The following OXR1 variants were observed in gnomAD, a reference collection of about 807,000 sequenced individuals.
OXR1 encodes the protein oxidation resistance 1.
A neutral mutation model predicts 104.6 loss-of-function variants in OXR1; 41 were observed. The ratio of observed to expected loss-of-function variants is 0.39; its 90% confidence interval spans 0.31 to 0.51. The LOEUF is 0.51. OXR1 is among the 20% of genes least tolerant of loss of function. The pLI, the probability that OXR1 is intolerant of heterozygous loss-of-function variation, is 0.77. For synonymous variants in OXR1, 348 were observed against 348.4 expected, an observed-to-expected ratio of 1.00 and a Z score of 0.01; for missense variants, 955 against 1,031.9, an observed-to-expected ratio of 0.93 and a Z score of 1.02.
chr8:106,326,222 A>G (rs1814462177), intron 1 of OXR1, among the ~76,000 whole-genome samples: 1 of 152,220 alleles, frequency 6.6e-6, no homozygotes, highest in South Asian at 2.1e-4. Context: ...AAGCATTCCC[A>G]AGGTAAAGCA....
intron 2 of OXR1, among the ~76,000 whole-genome samples, chr8:106,418,726 G>T (rs977019060): frequency 4.6e-5 from 7 of 151,990 alleles, no homozygotes; most frequent in Admixed American, 6.6e-5. Flanking sequence ...TACTTAGATG[G>T]GTTAATAGAT....
chr8:106,294,338 G>A (rs1812888825), intron 1 of OXR1, among the ~76,000 whole-genome samples: 1 of 147,856 alleles, frequency 6.8e-6, no homozygotes, highest in African/African-American at 2.6e-5. Flanking sequence ...CAGAGGTTGT[G>A]GTGAGCCGAG....
At chr8:106,672,368 T>A (rs1427701067) in intron 3 of OXR1, among the ~76,000 whole-genome samples, 1 of 150,262 alleles carries the variant, frequency 6.7e-6, no homozygotes, top group Non-Finnish European at 1.5e-5. Flanking sequence ...GTGCCTGTAG[T>A]CCCAGCTACT....
chr8:106,399,508 T>C lies in OXR1; in HGVS notation c.23+39872T>C, dbSNP rs1817917500. Among the ~76,000 whole-genome samples the C allele has an allele frequency of 2.0e-5, 3 of 152,296 alleles. No individual in the cohort carries two copies. In the South Asian group the frequency reaches 6.2e-4, roughly 32 times the overall value. On this transcript the variant is annotated intron_variant, in intron 2 of 16. Coordinates refer to ENST00000517566, the MANE Select transcript of OXR1 (RefSeq NM_001198533.2). ...CATTACAAAAAAATGGGTGCTACAGTGATGGATGTGAATAGTTAACAAATA... is the reference window on the plus strand; with the variant it reads ...CATTACAAAAAAATGGGTGCTACAGCGATGGATGTGAATAGTTAACAAATA...
intron 2 of OXR1, among the ~76,000 whole-genome samples, chr8:106,483,326 C>G (rs1822253401): frequency 6.6e-6 from 1 of 151,796 alleles, no homozygotes; most frequent in South Asian, 2.1e-4. Context: ...GTGGATATGA[C>G]CATTTAAACA....
chr8:106,407,560 G>A (rs1292312767), intron 2 of OXR1, among the ~76,000 whole-genome samples: 1 of 152,152 alleles, frequency 6.6e-6, no homozygotes, highest in African/African-American at 2.4e-5. Flanking sequence ...TATAGACACA[G>A]GCACTGAAAT....
chr8:106,501,259 G>A (rs1256869872), intron 2 of OXR1, among the ~76,000 whole-genome samples: 1 of 152,174 alleles, frequency 6.6e-6, no homozygotes, highest in Non-Finnish European at 1.5e-5. Flanking sequence ...AAGTAGCTAG[G>A]AAGACAGGCA....
intron 3 of OXR1, among the ~76,000 whole-genome samples, chr8:106,620,649 A>G (rs1821626609): frequency 6.6e-6 from 1 of 152,178 alleles, no homozygotes; most frequent in Non-Finnish European, 1.5e-5. Flanking sequence ...TGGACAGGGA[A>G]CAAGTTTTTA....
At chr8:106,637,255 C>A (rs997698523) in intron 3 of OXR1, among the ~76,000 whole-genome samples, 1 of 152,116 alleles carries the variant, frequency 6.6e-6, no homozygotes, top group Admixed American at 6.6e-5. Context: ...ACCTAAAATT[C>A]TTCTACTACT....
intron 3 of OXR1, among the ~76,000 whole-genome samples, chr8:106,651,962 G>A (rs919479982): frequency 6.6e-6 from 1 of 151,982 alleles, no homozygotes; most frequent in African/African-American, 2.4e-5. Flanking sequence ...TTCAGTAAAT[G>A]TCTTGCTCCT....
chr8:106,516,396 T>TCTAGGA (rs1185452728), intron 2 of OXR1, among the ~76,000 whole-genome samples: 1 of 152,150 alleles, frequency 6.6e-6, no homozygotes, highest in African/African-American at 2.4e-5. Context: ...GAATAAGGGC[T>TCTAGGA]CTAGGACTAC....
intron 2 of OXR1, among the ~76,000 whole-genome samples, chr8:106,490,484 T>A (rs558258622): frequency 6.6e-6 from 1 of 152,140 alleles, no homozygotes; most frequent in South Asian, 2.1e-4. Flanking sequence ...TCAGCCTCCC[T>A]AGTAGCTGGG....
chr8:106,714,828 C>T (rs1832073942), intron 11 of OXR1, among the ~76,000 whole-genome samples: 1 of 151,978 alleles, frequency 6.6e-6, no homozygotes, highest in Non-Finnish European at 1.5e-5. Flanking sequence ...CTTGCATGCA[C>T]TTAACATGTA....
At chr8:106,494,473 C>G (rs1811293634) in intron 2 of OXR1, among the ~76,000 whole-genome samples, 1 of 152,112 alleles carries the variant, frequency 6.6e-6, no homozygotes, top group Non-Finnish European at 1.5e-5. Context: ...GAAAATGATC[C>G]CAGTTCCCTT....
At position 106,706,685 on chromosome 8, in the gene OXR1, T is replaced by C; in HGVS notation, c.1164T>C (p.Thr388=). 6.2e-7 allele frequency: 1 copy of C among 1,613,200 alleles called. No homozygotes were observed. Residue 388 remains threonine (T), a synonymous_variant, in exon 9 of 17, where the codon ACT becomes ACC. Coordinates refer to ENST00000517566, the MANE Select transcript of OXR1 (RefSeq NM_001198533.2). ...GTCTGACAGTCAAATCAGAATCTAC[T>C]GGTACTCCTGGTCACTTAAGATCTG... is the stretch of plus-strand genomic sequence containing the variant. ...VESLTVKSES[T]GTPGHLRSDT...
chr8:106,737,507 T>A lies in OXR1; in HGVS notation c.1957-13T>A. The A allele has an allele frequency of 1.0e-6, 1 of 987,162 alleles. No homozygotes were observed. Among genetic ancestry groups the A allele is most frequent in the Non-Finnish European group, 1.4e-6 (1 of 730,536 alleles). 61.2% of individuals were successfully genotyped at this position (987,162 alleles called of 1,614,324 possible). On this transcript the variant is annotated splice_polypyrimidine_tract_variant and intron_variant, in intron 11 of 16. Transcript: ENST00000517566. ...TGTCAGTGGAATTATTGTCTTCCTG[T>A]CTCCATATTTAGGTAGTGTCAGTGG...
intron 3 of OXR1, among the ~76,000 whole-genome samples, chr8:106,622,608 C>A (rs1395774178): frequency 6.6e-6 from 1 of 152,056 alleles, no homozygotes; most frequent in African/African-American, 2.4e-5. Flanking sequence ...GTGCCCTCTA[C>A]CTTGAAGGCT....
intron 3 of OXR1, among the ~76,000 whole-genome samples, chr8:106,592,270 C>T (rs963297267): frequency 2.0e-5 from 3 of 151,896 alleles, no homozygotes; most frequent in African/African-American, 4.8e-5. Flanking sequence ...AGTAAACAGC[C>T]AATAAATAAG....
intron 3 of OXR1, among the ~76,000 whole-genome samples, chr8:106,553,333 T>C (rs892469123): frequency 6.6e-6 from 1 of 151,712 alleles, no homozygotes; most frequent in African/African-American, 2.4e-5. Context: ...TTTTTTTTTT[T>C]TTCCAGACAG....
Sources: allele counts gnomAD v4.1 joint callset (sites outside exome capture counted in the v4.1 genomes callset), GRCh38; gene constraint gnomAD v4.1.1; transcripts MANE v1.5; gene names NCBI Gene and HGNC (gene_info 2026-07-23, HGNC 2026-07-21).